The following KIF6 variants were observed in gnomAD, a reference collection of about 807,000 sequenced individuals.
The protein encoded by KIF6 is kinesin-like protein KIF6.
In KIF6, 106 loss-of-function variants were observed where a neutral mutation model predicts 112.7. That is an observed-to-expected ratio of 0.94 (90% CI 0.80 to 1.11). KIF6 has a LOEUF of 1.11. Ranked by LOEUF, KIF6 falls within the 50% of genes least tolerant of loss-of-function variation. KIF6 has a pLI of 0.00. For synonymous variants in KIF6, 339 were observed against 339.9 expected (o/e 1.00, Z 0.03); for missense variants, 929 against 964.0 (o/e 0.96, Z 0.48).
intron 3 of KIF6, among the ~76,000 whole-genome samples, chr6:39,700,686 G>A (rs2113834819): frequency 6.6e-6 from 1 of 150,940 alleles, no homozygotes; most frequent in African/African-American, 2.4e-5. Context: ...TTCATCTGAA[G>A]TTTCACATGA....
intron 13 of KIF6, among the ~76,000 whole-genome samples, chr6:39,472,362 G>GA (rs1184744431): frequency 2.0e-5 from 3 of 151,938 alleles, no homozygotes; most frequent in African/African-American, 4.8e-5. Context: ...GTCTCGGGGT[G>GA]AAAAAATCAT....
rs533805810 is a variant in KIF6 at position 39,575,527 on chromosome 6, T to C, written c.1181+2529A>G. Among the ~76,000 whole-genome samples the C allele has an allele frequency of 3.2e-3, 491 of 152,174 alleles. 3 individuals carry two copies. Among genetic ancestry groups the C allele is most frequent in the Middle Eastern group, 6.8e-3 (2 of 294 alleles). ...CTTTGTGATCCGCCCGCCTTGGCCT[T>C]CCAAAGTGCTGGGATTACAGGCGTG... is the stretch of plus-strand genomic sequence containing the variant. On this transcript the variant is annotated intron_variant, in intron 10 of 22. Transcript: ENST00000287152.
intron 3 of KIF6, among the ~76,000 whole-genome samples, chr6:39,645,820 G>A (rs1785140272): frequency 6.6e-6 from 1 of 152,192 alleles, no homozygotes; most frequent in South Asian, 2.1e-4. Flanking sequence ...GTCCTTTGTA[G>A]GGACACGGAT....
chr6:39,435,874 T>C (rs1771492762), intron 13 of KIF6, among the ~76,000 whole-genome samples: 1 of 152,208 alleles, frequency 6.6e-6, no homozygotes, highest in African/African-American at 2.4e-5. Context: ...TTTGGGGAGA[T>C]ACTCAGTAGT....
intron 13 of KIF6, among the ~76,000 whole-genome samples, chr6:39,498,701 G>A (rs1775933456): frequency 6.6e-6 from 1 of 152,142 alleles, no homozygotes; most frequent in Non-Finnish European, 1.5e-5. Context: ...ACAGTTTGTT[G>A]ATGCCTGTTG....
chr6:39,706,585 A>G (rs974301951), intron 3 of KIF6, among the ~76,000 whole-genome samples: 3 of 152,264 alleles, frequency 2.0e-5, no homozygotes, highest in Admixed American at 2.0e-4. Flanking sequence ...AGATTTAAGT[A>G]TAATTGTAAA....
intron 2 of KIF6, 48 bp from the exon 3 acceptor site, chr6:39,714,814 C>G: frequency 8.5e-7 from 1 of 1,171,516 alleles, no homozygotes; most frequent in South Asian, 1.3e-5. Flanking sequence ...CCTCCAAACA[C>G]TATCAGATTA....
intron 22 of KIF6, among the ~76,000 whole-genome samples, chr6:39,339,644 A>G (rs772410972): frequency 5.3e-5 from 8 of 151,888 alleles, no homozygotes; most frequent in Non-Finnish European, 8.9e-5. Flanking sequence ...GCCCTCTAGA[A>G]AGGGGTTAAC....
intron 13 of KIF6, among the ~76,000 whole-genome samples, chr6:39,480,997 C>CAA (rs1774760500): frequency 6.6e-6 from 1 of 151,998 alleles, no homozygotes; most frequent in African/African-American, 2.4e-5. Flanking sequence ...TTTATCTTTT[C>CAA]AAAGAACCGG....
At chr6:39,719,633 T>G (rs978450542) in intron 2 of KIF6, among the ~76,000 whole-genome samples, 7 of 152,084 alleles carry the variant, frequency 4.6e-5, no homozygotes, top group Admixed American at 1.3e-4. Context: ...ATAGCTATAC[T>G]CCCTAAATTC....
intron 3 of KIF6, among the ~76,000 whole-genome samples, chr6:39,696,602 C>T (rs1459948727): frequency 6.6e-6 from 1 of 151,890 alleles, no homozygotes; most frequent in Non-Finnish European, 1.5e-5. Flanking sequence ...TGAATCTACA[C>T]CTCACAGATT....
intron 3 of KIF6, among the ~76,000 whole-genome samples, chr6:39,701,388 T>C (rs970408099): frequency 6.6e-6 from 1 of 152,228 alleles, no homozygotes; most frequent in African/African-American, 2.4e-5. Context: ...GTCCCCATGG[T>C]ATCCTGGACT....
intron 13 of KIF6, among the ~76,000 whole-genome samples, chr6:39,445,105 G>C (rs889383493): frequency 6.6e-6 from 1 of 152,178 alleles, no homozygotes; most frequent in African/African-American, 2.4e-5. Context: ...AATTAAGTAC[G>C]GTAATTATCT....
chr6:39,362,328 T>C, intron 17 of KIF6, 106 bp downstream of exon 17: 1 of 839,400 alleles, frequency 1.2e-6, no homozygotes, highest in Non-Finnish European at 2.0e-6. Context: ...AGGATCCAGC[T>C]GCTGGACCCA....
chr6:39,581,221 G>GCAAT (rs1385798031), intron 9 of KIF6, among the ~76,000 whole-genome samples: 1 of 138,214 alleles, frequency 7.2e-6, no homozygotes, highest in East Asian at 2.1e-4. Context: ...AGGCTGGAGT[G>GCAAT]CAATGGTGCC....
intron 13 of KIF6, among the ~76,000 whole-genome samples, chr6:39,445,153 TC>T (rs1772226323): frequency 6.6e-6 from 1 of 152,242 alleles, no homozygotes; most frequent in African/African-American, 2.4e-5. Context: ...CTGAACAGTC[TC>T]CACATTAAAT....
At chr6:39,409,823 A>G (rs933044536) in intron 15 of KIF6, among the ~76,000 whole-genome samples, 4 of 152,214 alleles carry the variant, frequency 2.6e-5, no homozygotes, top group Non-Finnish European at 5.9e-5. Context: ...TTTCCAGAGT[A>G]GTTGACAAGA....
At chr6:39,478,048 A>C (rs1413321217) in intron 13 of KIF6, among the ~76,000 whole-genome samples, 1 of 151,964 alleles carries the variant, frequency 6.6e-6, no homozygotes, top group Non-Finnish European at 1.5e-5. Context: ...TTTTTTAAAA[A>C]TTTTTCATTT....
chr6:39,621,993 C>T (rs1264835250), intron 5 of KIF6, among the ~76,000 whole-genome samples: 1 of 151,796 alleles, frequency 6.6e-6, no homozygotes, highest in Admixed American at 6.6e-5. Context: ...TGGTGAAACC[C>T]CATCTCTATT....
Sources: gnomAD v4.1 joint callset for allele counts (sites outside exome capture counted in the v4.1 genomes callset) on GRCh38, gnomAD v4.1.1 for gene constraint, MANE v1.5 for transcripts, NCBI Gene and HGNC (gene_info 2026-07-23, HGNC 2026-07-21) for gene names.